The following HTR2C variants were observed in gnomAD, a reference collection of about 807,000 sequenced individuals.
The protein encoded by HTR2C is 5-hydroxytryptamine (serotonin) receptor 2C, G protein-coupled.
Under a neutral mutation model 21.0 loss-of-function variants are expected in HTR2C, and 5 were observed. The ratio of observed to expected loss-of-function variants is 0.24; its 90% confidence interval spans 0.12 to 0.50. The LOEUF (loss-of-function observed/expected upper bound fraction) is 0.50. Ranked by LOEUF, HTR2C falls within the 20% of genes least tolerant of loss-of-function variation. The pLI, the probability that HTR2C is intolerant of heterozygous loss-of-function variation, is 0.98. For synonymous variants in HTR2C, 150 were observed against 145.3 expected (o/e 1.03, Z -0.23); for missense variants, 271 against 371.2 (o/e 0.73, Z 2.22).
intron 2 of HTR2C, among the ~76,000 whole-genome samples, chrX:114,680,489 A>G (rs1330153950): frequency 7.1e-5 from 8 of 112,015 alleles, no homozygotes; most frequent in Admixed American, 1.9e-4. Flanking sequence ...ACAAAAAGTA[A>G]TAAGCTGTGA....
intron 2 of HTR2C, among the ~76,000 whole-genome samples, chrX:114,637,951 T>A (rs1340347953): frequency 3.6e-5 from 4 of 111,596 alleles, no homozygotes; most frequent in Non-Finnish European, 7.5e-5. Context: ...ATGGTGGGTA[T>A]GTCTTTTTTC....
intron 4 of HTR2C, among the ~76,000 whole-genome samples, chrX:114,834,464 T>C (rs2070761103): frequency 9.0e-6 from 1 of 110,628 alleles, no homozygotes; most frequent in African/African-American, 3.3e-5. Context: ...AATGGCCTTG[T>C]TTGTCTCTTC....
intron 4 of HTR2C, among the ~76,000 whole-genome samples, chrX:114,781,279 G>A (rs1179380212): frequency 9.0e-6 from 1 of 110,740 alleles, no homozygotes; most frequent in African/African-American, 3.3e-5. Context: ...TTGAGGCTAC[G>A]ATTTTGTGAC....
intron 4 of HTR2C, among the ~76,000 whole-genome samples, chrX:114,814,225 A>C (rs781931949): frequency 5.4e-5 from 6 of 110,802 alleles, no homozygotes; most frequent in Admixed American, 4.9e-4. Context: ...CTCAGACCTC[A>C]AAGTAACCTA....
chrX:114,740,307 C>T (rs2069632387), intron 4 of HTR2C, among the ~76,000 whole-genome samples: 1 of 109,447 alleles, frequency 9.1e-6, no homozygotes, highest in African/African-American at 3.3e-5. Context: ...ATATGACAAG[C>T]TTGAATTGCA....
chrX:114,833,343 G>A (rs1275473429), intron 4 of HTR2C, among the ~76,000 whole-genome samples: 1 of 105,632 alleles, frequency 9.5e-6, no homozygotes, highest in African/African-American at 3.4e-5. Flanking sequence ...ACTCTTTTTG[G>A]TTGGTAAACT....
intron 2 of HTR2C, among the ~76,000 whole-genome samples, chrX:114,633,837 A>C (rs1929728858): frequency 9.2e-6 from 1 of 108,344 alleles, no homozygotes; most frequent in South Asian, 4.0e-4. Flanking sequence ...GTGTGCATGT[A>C]TGTATTCTAA....
intron 2 of HTR2C, among the ~76,000 whole-genome samples, chrX:114,642,206 A>G (rs1482587633): frequency 8.9e-6 from 1 of 112,182 alleles, no homozygotes; most frequent in Admixed American, 9.5e-5. Context: ...CAGTGAACAT[A>G]CGTAAGCATG....
At chrX:114,634,992 T>G (rs1470149182) in intron 2 of HTR2C, among the ~76,000 whole-genome samples, 1 of 111,967 alleles carries the variant, frequency 8.9e-6, no homozygotes, top group Non-Finnish European at 1.9e-5. Context: ...AATCAACAAC[T>G]ATTAGGGTGA....
chrX:114,808,682 T>C (rs924644988), intron 4 of HTR2C, among the ~76,000 whole-genome samples: 4 of 111,840 alleles, frequency 3.6e-5, no homozygotes, highest in African/African-American at 6.5e-5. Flanking sequence ...GATGATACCT[T>C]ACTGTAGTTT....
chrX:114,647,160 T>C (rs188714149), intron 2 of HTR2C, among the ~76,000 whole-genome samples: 174 of 111,189 alleles, frequency 1.6e-3, no homozygotes, highest in African/African-American at 5.4e-3. Flanking sequence ...CTAAGAATCT[T>C]ATTGCACAGC....
intron 4 of HTR2C, among the ~76,000 whole-genome samples, chrX:114,766,079 C>T (rs1306611159): frequency 9.0e-6 from 1 of 111,627 alleles, no homozygotes; most frequent in African/African-American, 3.3e-5. Flanking sequence ...AAAGAGAGGA[C>T]ACCACCAGCC....
chrX:114,776,841 C>T lies in HTR2C; in HGVS notation c.349+45234C>T, dbSNP rs927034937. 9 of 180,889 alleles carry T rather than the reference C, an allele frequency of 5.0e-5. 1 individual carries two copies. Among genetic ancestry groups the T allele is most frequent in the South Asian group, 4.2e-4 (3 of 7,207 alleles). 14.9% of individuals were successfully genotyped at this position (180,889 alleles called of 1,213,427 possible). On this transcript the variant is annotated intron_variant, in intron 4 of 5. Transcript: ENST00000276198. Reference sequence around the variant, plus strand: ...ACACAGAAACCTCCAGAACTGCGGGCGCATTCAATGAGCTATATTTACTTC... The same window carrying T: ...ACACAGAAACCTCCAGAACTGCGGGTGCATTCAATGAGCTATATTTACTTC...
intron 2 of HTR2C, among the ~76,000 whole-genome samples, chrX:114,697,105 C>T (rs1422163381): frequency 8.9e-6 from 1 of 111,928 alleles, no homozygotes; most frequent in Non-Finnish European, 1.9e-5. Context: ...GATCTGACAG[C>T]TCTGGGTTTT....
At chrX:114,726,998 A>T (rs781872295) in intron 3 of HTR2C, 27 bp downstream of exon 3, 1 of 972,136 alleles carries the variant, frequency 1.0e-6, no homozygotes, top group Non-Finnish European at 1.4e-6. Flanking sequence ...TTATTATTTT[A>T]GTAAAAAGAT....
At chrX:114,608,632 T>C (rs948676896) in intron 1 of HTR2C, among the ~76,000 whole-genome samples, 15 of 111,869 alleles carry the variant, frequency 1.3e-4, no homozygotes, top group African/African-American at 4.2e-4. Context: ...TTTTCACACT[T>C]CTGAAATGAA....
intron 4 of HTR2C, among the ~76,000 whole-genome samples, chrX:114,785,347 C>T (rs890428339): frequency 8.0e-5 from 9 of 111,831 alleles, no homozygotes; most frequent in Non-Finnish European, 1.5e-4. Context: ...TATCAACATA[C>T]ATGCAAAAAA....
intron 2 of HTR2C, among the ~76,000 whole-genome samples, chrX:114,685,653 G>A (rs781901456): frequency 7.3e-4 from 82 of 111,892 alleles, no homozygotes; most frequent in Non-Finnish European, 1.2e-3. Flanking sequence ...GGTGCCATAC[G>A]TTTATCTAAA....
At chrX:114,785,416 T>A (rs62594910) in intron 4 of HTR2C, among the ~76,000 whole-genome samples, 2 of 111,579 alleles carry the variant, frequency 1.8e-5, no homozygotes, top group African/African-American at 6.5e-5. Flanking sequence ...AAGCGACTTA[T>A]GAAAAGAAAA....
Sources: allele counts gnomAD v4.1 joint callset (sites outside exome capture counted in the v4.1 genomes callset), GRCh38; gene constraint gnomAD v4.1.1; transcripts MANE v1.5; gene names NCBI Gene and HGNC (gene_info 2026-07-23, HGNC 2026-07-21).